The following AGTPBP1 variants were observed in gnomAD, a reference collection of about 807,000 sequenced individuals.
AGTPBP1 encodes the protein cytosolic carboxypeptidase 1.
AGTPBP1 carries 70 observed loss-of-function variants against 143.9 expected under a neutral mutation model. The ratio of observed to expected loss-of-function variants is 0.49; its 90% confidence interval spans 0.40 to 0.59. The LOEUF (loss-of-function observed/expected upper bound fraction) is 0.59. Ranked by LOEUF, AGTPBP1 falls within the 20% of genes least tolerant of loss-of-function variation. AGTPBP1 has a pLI of 0.00. For missense variants in AGTPBP1, 1,229 were observed against 1,464.5 expected (o/e 0.84, Z 2.62); for synonymous variants, 463 against 500.2 (o/e 0.93, Z 0.99).
chr9:85,741,956 T>C (rs1355485734), upstream of AGTPBP1: 28 of 1,260,430 alleles, frequency 2.2e-5, no homozygotes, highest in East Asian at 3.2e-5. Context: ...GCGGAACCTG[T>C]CCGCATCCCG....
chr9:85,755,955 A>G, the AGTPBP1 span: 92 of 834,176 alleles, frequency 1.1e-4, no homozygotes, highest in Admixed American at 1.3e-4. Flanking sequence ...GAGTTACTCT[A>G]AGTGATAGTT....
intron 14 of AGTPBP1, 73 bp downstream of exon 14, chr9:85,632,589 A>T: frequency 7.6e-7 from 1 of 1,313,284 alleles, no homozygotes; most frequent in Non-Finnish European, 1.0e-6. Context: ...AAATGCCCAA[A>T]GTAATTTTTT....
chr9:85,636,736 A>G (rs1473551351), intron 13 of AGTPBP1, among the ~76,000 whole-genome samples: 1 of 152,160 alleles, frequency 6.6e-6, no homozygotes, highest in Non-Finnish European at 1.5e-5. Flanking sequence ...TAGAATTGCA[A>G]AAGAGGGAGG....
intron 25 of AGTPBP1, among the ~76,000 whole-genome samples, chr9:85,548,689 T>G (rs1287626918): frequency 2.0e-5 from 3 of 149,668 alleles, no homozygotes; most frequent in East Asian, 3.9e-4. Flanking sequence ...TTGTTTTTGT[T>G]TTTTGAGACA....
the AGTPBP1 span, among the ~76,000 whole-genome samples, chr9:85,763,616 A>T: frequency 1.3e-5 from 2 of 151,976 alleles, no homozygotes; most frequent in Non-Finnish European, 2.9e-5. Flanking sequence ...TGTAACTTAT[A>T]TTGGGAGAAT....
intron 21 of AGTPBP1, 36 bp from the exon 22 acceptor site, chr9:85,586,996 G>A (rs775189316): frequency 8.1e-6 from 13 of 1,611,624 alleles, no homozygotes; most frequent in Admixed American, 1.7e-5. Context: ...GAAAAACACT[G>A]GTACCCATAA....
intron 17 of AGTPBP1, among the ~76,000 whole-genome samples, chr9:85,602,571 G>C (rs1255676649): frequency 6.6e-6 from 1 of 152,198 alleles, no homozygotes; most frequent in African/African-American, 2.4e-5. Flanking sequence ...GTGAGGGAAA[G>C]TAAACCTATT....
chr9:85,790,525 C>G, the AGTPBP1 span, among the ~76,000 whole-genome samples: 1 of 152,102 alleles, frequency 6.6e-6, no homozygotes, highest in East Asian at 1.9e-4. Context: ...ATGACTCCAA[C>G]ATGGAGGTAA....
At chr9:85,632,545 A>G in intron 14 of AGTPBP1, 117 bp downstream of exon 14, 1 of 903,294 alleles carries the variant, frequency 1.1e-6, no homozygotes. Context: ...ATTTAAAAAT[A>G]CAGTAACTTA....
At chr9:85,748,676 A>G in the AGTPBP1 span, among the ~76,000 whole-genome samples, 2 of 152,210 alleles carry the variant, frequency 1.3e-5, no homozygotes, top group Non-Finnish European at 2.9e-5. Flanking sequence ...TTTCTTATGC[A>G]TATCCAATGA....
At chr9:85,741,530 G>C (rs1009982515) in intron 1 of AGTPBP1, 22 of 985,288 alleles carry the variant, frequency 2.2e-5, no homozygotes, top group African/African-American at 7.0e-5. Flanking sequence ...GAGGGTCCGG[G>C]GACTGGGGAA....
At chr9:85,741,624 G>T in intron 1 of AGTPBP1, 151 bp downstream of exon 1, 2 of 1,240,656 alleles carry the variant, frequency 1.6e-6, no homozygotes, top group Non-Finnish European at 2.0e-6. Flanking sequence ...CGTCACATGT[G>T]TAACATGCGT....
rs534198724 is a variant in AGTPBP1, at chr9:85,547,002, T to C, written c.*107A>G. On this transcript the variant is annotated 3_prime_UTR_variant, in exon 26 of 26. Transcript: ENST00000357081. ...CCAAACTGGCCCAAGTTACTTTTTG[T>C]CTTTTTGAGTCAGCTCTGTATAAAC... 1 of 1,159,848 alleles carries C rather than the reference T, an allele frequency of 8.6e-7. No homozygotes were observed. Among genetic ancestry groups the C allele is most frequent in the African/African-American group, 1.6e-5 (1 of 62,706 alleles). The allele number at this position is 1,159,848 out of a possible 1,614,324, so 71.8% of individuals were successfully genotyped here.
chr9:85,683,577 T>G lies in AGTPBP1; in HGVS notation c.158-2242A>C, dbSNP rs185562290. Among the ~76,000 whole-genome samples the G allele has an allele frequency of 2.9e-3, 436 of 152,302 alleles. 1 individual carries two copies. Among genetic ancestry groups the G allele is most frequent in the Admixed American group, 4.6e-3 (71 of 15,294 alleles). ...GGTGTTTAGACTAACAGTTTTCTAC[T>G]CTACTCCAAATTCTGCCACAATCTT... On this transcript the variant is annotated intron_variant, in intron 3 of 25. Transcript: ENST00000357081.
At chr9:85,721,652 G>C (rs940008591) in intron 1 of AGTPBP1, among the ~76,000 whole-genome samples, 8 of 151,858 alleles carry the variant, frequency 5.3e-5, no homozygotes, top group African/African-American at 1.9e-4. Flanking sequence ...TTTTAATTGG[G>C]GCATTTAGCC....
the AGTPBP1 span, among the ~76,000 whole-genome samples, chr9:85,762,005 C>A: frequency 6.6e-6 from 1 of 152,172 alleles, no homozygotes; most frequent in African/African-American, 2.4e-5. Context: ...ATGCAGCCAA[C>A]AGACACATGA....
chr9:85,597,419 C>CA (rs910554066), intron 17 of AGTPBP1, among the ~76,000 whole-genome samples: 9 of 151,894 alleles, frequency 5.9e-5, no homozygotes, highest in African/African-American at 1.9e-4. Context: ...AATGAAACCT[C>CA]AAAAAAATTA....
Position 85,655,215 on chromosome 9 carries a change from A to C in AGTPBP1, c.1015T>G (p.Ser339Ala). ...NRLPLPTIKS[S>A]FHFQLPVIPV... ...ATAACAGGCAACTGGAAATGAAAAG[A>C]ACTTTTAATTGTTGGGAGTGGCAGT... is the stretch of plus-strand genomic sequence containing the variant. Residue 339 changes from serine (S) to alanine (A), a missense_variant, in exon 11 of 26, where the codon TCT becomes GCT. Ser to Ala is a moderately conservative substitution (Grantham distance 99). Transcript: ENST00000357081. 1 of 1,612,430 alleles carries C rather than the reference A, an allele frequency of 6.2e-7. No individual in the cohort carries two copies. Among genetic ancestry groups the C allele is most frequent in the East Asian group, 2.2e-5 (1 of 44,800 alleles).
chr9:85,564,623 C>T (rs984357732), intron 25 of AGTPBP1, among the ~76,000 whole-genome samples: 1 of 152,108 alleles, frequency 6.6e-6, no homozygotes, highest in Admixed American at 6.5e-5. Context: ...TATAGTATTC[C>T]ATACGGTCAC....
Sources: gnomAD v4.1 joint callset for allele counts (sites outside exome capture counted in the v4.1 genomes callset) on GRCh38, gnomAD v4.1.1 for gene constraint, MANE v1.5 for transcripts, NCBI Gene and HGNC (gene_info 2026-07-23, HGNC 2026-07-21) for gene names.